HUWE1: variants seen among roughly 807,000 people sequenced by gnomAD.
The protein encoded by HUWE1 is HECT, UBA and WWE domain containing E3 ubiquitin protein ligase 1, also known as E3 ubiquitin-protein ligase HUWE1.
In HUWE1, 18 loss-of-function variants were observed where a neutral mutation model predicts 299.4. The ratio of observed to expected loss-of-function variants is 0.06; its 90% CI spans 0.04 to 0.09. HUWE1 has a LOEUF of 0.09. HUWE1 is among the 10% of genes least tolerant of loss of function. HUWE1 has a pLI of 1.00. For missense variants in HUWE1, 1,832 were observed against 3,462.3 expected (o/e 0.53, Z 11.82); for synonymous variants, 1,317 against 1,286.1 (o/e 1.02, Z -0.51).
chrX:53,575,928 T>TA (rs782336488), intron 44 of HUWE1, 140 bp from the exon 45 acceptor site: 20 of 615,079 alleles, frequency 3.3e-5, no homozygotes, highest in Non-Finnish European at 4.3e-5. Context: ...CAGATAATGT[T>TA]AGAGTGCCTC....
At chrX:53,607,759 C>T in intron 24 of HUWE1, 60 bp from the exon 25 acceptor site, 2 of 777,384 alleles carry the variant, frequency 2.6e-6, no homozygotes, top group Non-Finnish European at 3.9e-6. Flanking sequence ...AAATGGCCAG[C>T]CTGGAATAAG....
At position 53,590,865 on chromosome X, in the gene HUWE1, A is replaced by T. The variant is rs181769132; in HGVS notation, c.4095+135T>A. 6.1e-5 allele frequency: 47 copies of T among 773,532 alleles called. 1 individual carries two copies. In the African/African-American group the frequency reaches 8.4e-4, roughly 14 times the overall value. The allele number at this position is 773,532 out of a possible 1,213,427, so 63.7% of individuals were successfully genotyped here. A position where few individuals can be genotyped will look rare whatever the true frequency, so the allele number is the denominator to read the frequency against. On this transcript the variant is annotated intron_variant, in intron 34 of 83. Transcript: ENST00000262854. ...AAAACTTCTGTTATTATGAAAAGAA[A>T]ATACTGGCATGGACATGTCTGAAAA...
chrX:53,680,175 C>A lies in HUWE1; in HGVS notation c.-151G>T. 1 of 296,677 alleles carries A rather than the reference C, an allele frequency of 3.4e-6. No individual in the cohort carries two copies. The highest frequency in any genetic ancestry group is 5.9e-6 in the Non-Finnish European group (1 of 169,980). 24.4% of individuals were successfully genotyped at this position (296,677 alleles called of 1,213,427 possible). A position where few individuals can be genotyped will look rare whatever the true frequency, so the allele number is the denominator to read the frequency against. The stretch of plus-strand genomic sequence containing the variant: ...GGATCACTAACCCACTCAGGTCAGG[C>A]TGCTGGAGGACCTACAAAAAAAAAG... On this transcript the variant is annotated 5_prime_UTR_variant, in exon 3 of 84. Coordinates refer to ENST00000262854, the MANE Select transcript of HUWE1 (RefSeq NM_031407.7).
intron 3 of HUWE1, among the ~76,000 whole-genome samples, chrX:53,675,618 TA>T (rs1557050858): frequency 9.0e-6 from 1 of 111,261 alleles, no homozygotes; most frequent in Non-Finnish European, 1.9e-5. Flanking sequence ...CAACATTCAG[TA>T]AATGTTATGT....
At chrX:53,563,614 T>C in intron 52 of HUWE1, 132 bp downstream of exon 52, 1 of 708,573 alleles carries the variant, frequency 1.4e-6, no homozygotes, top group Non-Finnish European at 2.1e-6. Context: ...ACCGTCAACA[T>C]CAAGACAAGC....
intron 77 of HUWE1, among the ~76,000 whole-genome samples, 194 bp downstream of exon 77, chrX:53,538,143 G>C (rs2061150003): frequency 9.0e-6 from 1 of 111,323 alleles, no homozygotes; most frequent in African/African-American, 3.3e-5. Context: ...GAAAAATGCA[G>C]ATGGGGTGGA....
rs1355181551 is a variant in HUWE1 at position 53,618,910 on chromosome X, G to A, written c.1673-1464C>T. Among the ~76,000 whole-genome samples, 4 of 110,193 alleles carry A rather than the reference G, an allele frequency of 3.6e-5. No individual in the cohort carries two copies. In the South Asian group the frequency reaches 1.5e-3, roughly 42 times the overall value. ...AAAAAAAAAATCCAGGTAATAGAGAGGCACCAAGCCAATAGTTTTATTAAA... is the reference window on the plus strand; with the variant it reads ...AAAAAAAAAATCCAGGTAATAGAGAAGCACCAAGCCAATAGTTTTATTAAA... On this transcript the variant is annotated intron_variant, in intron 19 of 83. Coordinates refer to ENST00000262854, the MANE Select transcript of HUWE1 (RefSeq NM_031407.7).
chrX:53,558,614 G>C (rs1556937416), intron 59 of HUWE1, 41 bp downstream of exon 59: 2 of 1,171,354 alleles, frequency 1.7e-6, no homozygotes, highest in Middle Eastern at 2.3e-4. Flanking sequence ...CATTACGGCA[G>C]ACACAGTCAA....
chrX:53,549,495 T>C lies in HUWE1; in HGVS notation c.9499A>G (p.Ser3167Gly), dbSNP rs1387435071. The change falls in exon 67 of 84, where the codon AGT becomes GGT. Residue 3167 changes from serine to glycine, a missense_variant. Physicochemically the swap from Ser to Gly is moderately conservative, Grantham distance 56. Coordinates refer to ENST00000262854, the MANE Select transcript of HUWE1 (RefSeq NM_031407.7). Reference protein sequence around the residue: ...GSSSHNRPSGSNVDTLLRLRG... With the variant: ...GSSSHNRPSGGNVDTLLRLRG... ...AGGCGGAGGAGAGTATCTACATTAC[T>C]GCCAGAAGGCCTGGAAACAGAACAT... 1 of 1,203,550 alleles carries C rather than the reference T, an allele frequency of 8.3e-7. No individual in the cohort carries two copies. The highest frequency in any genetic ancestry group is 1.1e-6 in the Non-Finnish European group (1 of 893,509).
chrX:53,607,733 C>A (rs1168742321), intron 24 of HUWE1, 34 bp from the exon 25 acceptor site: 24 of 1,012,846 alleles, frequency 2.4e-5, no homozygotes, highest in Non-Finnish European at 3.2e-5. Context: ...GAAGTTAGAG[C>A]CTGACAGGTG....
chrX:53,555,262 C>T (rs1429064425), intron 60 of HUWE1, among the ~76,000 whole-genome samples: 3 of 111,846 alleles, frequency 2.7e-5, no homozygotes, highest in African/African-American at 6.5e-5. Context: ...ATCTAACTAC[C>T]AAAATCCTAT....
At chrX:53,533,463 T>C (rs1556908489) in intron 83 of HUWE1, 52 bp from the exon 84 acceptor site, 1 of 898,559 alleles carries the variant, frequency 1.1e-6, no homozygotes. Flanking sequence ...GATAACCAAA[T>C]CTGTGTGTTC....
At chrX:53,558,513 TG>T (rs1278467669) in intron 59 of HUWE1, 141 bp downstream of exon 59, 7 of 580,296 alleles carry the variant, frequency 1.2e-5, no homozygotes, top group Non-Finnish European at 2.0e-5. Context: ...GGTCAATGTA[TG>T]GTGAATTTGA....
rs782668884 is a variant in HUWE1 at position 53,654,341 on chromosome X, T to G, written c.-24-210A>C. On this transcript the variant is annotated intron_variant, in intron 3 of 83. Transcript: ENST00000262854. ...CAGATCAAACTGGCCCACATCCCTA[T>G]GTTGCACAAGACTGAAACCAAATCA... Among the ~76,000 whole-genome samples, 4 of 112,182 alleles carry G rather than the reference T, an allele frequency of 3.6e-5. No individual in the cohort carries two copies. The South Asian group carries it at 1.5e-3, about 41-fold the overall frequency.
intron 27 of HUWE1, among the ~76,000 whole-genome samples, chrX:53,602,936 C>T (rs2064954849): frequency 1.9e-5 from 2 of 107,820 alleles, no homozygotes; most frequent in African/African-American, 3.4e-5. Flanking sequence ...ACTGCAACCT[C>T]CACCTCCGGG....
intron 49 of HUWE1, among the ~76,000 whole-genome samples, chrX:53,565,515 C>G (rs1436135590): frequency 9.0e-6 from 1 of 111,218 alleles, no homozygotes; most frequent in Non-Finnish European, 1.9e-5. Context: ...AGAATGTATT[C>G]TGGATGACCA....
intron 3 of HUWE1, among the ~76,000 whole-genome samples, chrX:53,671,952 G>T (rs974024996): frequency 9.3e-6 from 1 of 107,004 alleles, no homozygotes; most frequent in Non-Finnish European, 1.9e-5. Flanking sequence ...TGAGGGAAAA[G>T]TATGAACACA....
chrX:53,558,825 A>T lies in HUWE1; in HGVS notation c.8006-16T>A. ...ACTTTAACCACTGTTTCAAAGAGGC[A>T]AAAATCAAAGGCTGCTCTGGTGGGG... On this transcript the variant is annotated splice_polypyrimidine_tract_variant and intron_variant, in intron 58 of 83. Transcript: ENST00000262854. 8.3e-7 allele frequency: 1 copy of T among 1,211,309 alleles called. No homozygotes were observed. The highest frequency in any genetic ancestry group is 1.1e-6 in the Non-Finnish European group (1 of 894,901).
At chrX:53,578,858 G>A (rs1809479598) in intron 43 of HUWE1, among the ~76,000 whole-genome samples, 1 of 82,245 alleles carries the variant, frequency 1.2e-5, no homozygotes. Context: ...GGGAGGTGGG[G>A]GGTCAGCCCC....
Sources: gnomAD v4.1 joint callset for allele counts (sites outside exome capture counted in the v4.1 genomes callset) on GRCh38, gnomAD v4.1.1 for gene constraint, MANE v1.5 for transcripts, NCBI Gene and HGNC (gene_info 2026-07-23, HGNC 2026-07-21) for gene names.